FAM184A: variants seen among roughly 807,000 people sequenced by gnomAD.
FAM184A encodes family with sequence similarity 184 member A, also known as protein FAM184A.
Under a neutral mutation model 143.8 loss-of-function variants are expected in FAM184A, and 99 were observed. The ratio of observed to expected loss-of-function variants is 0.69; its 90% confidence interval spans 0.58 to 0.81. FAM184A has a LOEUF of 0.81. Among genes scored for constraint, FAM184A ranks in the 40% least tolerant of loss-of-function variants. FAM184A has a pLI of 0.00. For synonymous variants in FAM184A, 427 were observed against 446.4 expected (o/e 0.96, Z 0.55); for missense variants, 1,217 against 1,310.5 (o/e 0.93, Z 1.10).
intron 1 of FAM184A, among the ~76,000 whole-genome samples, chr6:119,037,207 G>C (rs1400855498): frequency 6.6e-6 from 1 of 152,184 alleles, no homozygotes; most frequent in Non-Finnish European, 1.5e-5. Flanking sequence ...TTCTAAGACA[G>C]ATTTTTTTCT....
At chr6:119,045,291 A>ATTTTT (rs3058653) in intron 1 of FAM184A, among the ~76,000 whole-genome samples, 1 of 143,262 alleles carries the variant, frequency 7.0e-6, no homozygotes, top group Non-Finnish European at 1.5e-5. Context: ...CAGTTTCTCA[A>ATTTTT]TTTTTTTTTT....
Position 119,028,581 on chromosome 6 carries a change from G to A in FAM184A, c.160-3768C>T, listed in dbSNP as rs180978936. ...TTTCCAGATTTCTGAACACGTGGAGGTGCTGGGAGGGTGGCATGCCTGGAA... is the reference window on the plus strand; with the variant it reads ...TTTCCAGATTTCTGAACACGTGGAGATGCTGGGAGGGTGGCATGCCTGGAA... On this transcript the variant is annotated intron_variant, in intron 1 of 17. Coordinates refer to ENST00000338891, the MANE Select transcript of FAM184A (RefSeq NM_024581.6). Among the ~76,000 whole-genome samples the A allele has an allele frequency of 4.4e-4, 67 of 152,266 alleles. 1 individual carries two copies. The highest frequency in any genetic ancestry group is 1.5e-3 in the African/African-American group (61 of 41,570).
chr6:119,001,703 C>T (rs887297667), intron 9 of FAM184A, among the ~76,000 whole-genome samples: 10 of 151,996 alleles, frequency 6.6e-5, no homozygotes, highest in Admixed American at 1.3e-4. Flanking sequence ...CAAACCCAGC[C>T]GAAAACTGTC....
upstream of FAM184A, among the ~76,000 whole-genome samples, chr6:119,079,973 A>G (rs1788014483): frequency 6.6e-6 from 1 of 152,234 alleles, no homozygotes. Flanking sequence ...AGAAACAAAT[A>G]TCCTACAAAT....
At chr6:118,984,480 C>CT (rs1300872954) in intron 9 of FAM184A, among the ~76,000 whole-genome samples, 11 of 151,312 alleles carry the variant, frequency 7.3e-5, no homozygotes, top group African/African-American at 2.7e-4. Flanking sequence ...GCCCAGCCTA[C>CT]TTTTTACAGA....
chr6:119,062,334 C>T (rs769156277), intron 1 of FAM184A, among the ~76,000 whole-genome samples: 38 of 152,016 alleles, frequency 2.5e-4, no homozygotes, highest in Non-Finnish European at 4.3e-4. Flanking sequence ...ATGTGGCCCT[C>T]CAAAGAAATT....
chr6:119,005,890 T>G (rs763446167), intron 7 of FAM184A: 2 of 479,530 alleles, frequency 4.2e-6, no homozygotes, highest in Non-Finnish European at 7.4e-6. Flanking sequence ...ACTTAGTTGC[T>G]GTATATGAGA....
chr6:119,003,196 T>TA, intron 8 of FAM184A, 147 bp from the exon 9 acceptor site: 1 of 738,236 alleles, frequency 1.4e-6, no homozygotes, highest in Non-Finnish European at 2.1e-6. Context: ...TTAAGGGCTG[T>TA]AAAGTAAATT....
At chr6:119,108,867 T>A (rs1228971152) in intron 1 of FAM184A, among the ~76,000 whole-genome samples, 1 of 152,178 alleles carries the variant, frequency 6.6e-6, no homozygotes, top group East Asian at 1.9e-4. Flanking sequence ...AGAAGTGACT[T>A]CTACTCAACT....
At position 119,040,308 on chromosome 6, in the gene FAM184A, C is replaced by T. The variant is rs916841179; in HGVS notation, c.160-15495G>A. 3.9e-4 allele frequency among the ~76,000 whole-genome samples: 60 copies of T among 152,146 alleles called. 3 individuals are homozygous for T. The highest frequency in any genetic ancestry group is 4.4e-5 in the Non-Finnish European group (3 of 68,028). ...CTTCCACCACTAACATATTTGTTGC[C>T]GTGACTTGGATACCTTCCTAGTGGT... is the stretch of plus-strand genomic sequence containing the variant. On this transcript the variant is annotated intron_variant, in intron 1 of 17. Transcript: ENST00000338891.
intron 1 of FAM184A, among the ~76,000 whole-genome samples, chr6:119,103,414 A>T (rs1201125535): frequency 6.6e-6 from 1 of 152,214 alleles, no homozygotes; most frequent in East Asian, 1.9e-4. Flanking sequence ...TTTGTAATTT[A>T]TAGACAAAGA....
At chr6:118,979,102 T>G (rs1407138808) in intron 11 of FAM184A, among the ~76,000 whole-genome samples, 1 of 152,168 alleles carries the variant, frequency 6.6e-6, no homozygotes, top group Non-Finnish European at 1.5e-5. Flanking sequence ...ATGTCCTGAG[T>G]CCACTTAGTC....
chr6:119,046,076 T>A (rs1276655788), intron 1 of FAM184A, among the ~76,000 whole-genome samples: 2 of 152,322 alleles, frequency 1.3e-5, no homozygotes, highest in East Asian at 3.9e-4. Flanking sequence ...TTATTACAAC[T>A]GTTATCTTTT....
At chr6:118,960,870 A>G (rs775055669) in intron 17 of FAM184A, 8 of 1,336,312 alleles carry the variant, frequency 6.0e-6, no homozygotes, top group Non-Finnish European at 8.0e-6. Flanking sequence ...ATACCTGAAC[A>G]TACCCATGCA....
At chr6:119,097,067 G>A (rs964108213) in intron 1 of FAM184A, among the ~76,000 whole-genome samples, 1 of 152,132 alleles carries the variant, frequency 6.6e-6, no homozygotes, top group Admixed American at 6.5e-5. Flanking sequence ...GGCAATAAGA[G>A]TCCAGATTTA....
At position 119,108,845 on chromosome 6, in the gene FAM184A, G is replaced by A. The variant is rs184960502; in HGVS notation, c.-202+40233C>T. 2.0e-3 allele frequency among the ~76,000 whole-genome samples: 298 copies of A among 152,196 alleles called. 2 individuals are homozygous for A. Among genetic ancestry groups the A allele is most frequent in the Non-Finnish European group, 3.6e-3 (244 of 68,000 alleles). On this transcript the variant is annotated intron_variant, in intron 1 of 16. Transcript: ENST00000352896. ...GAATGCCTGAGCCAATAATCTCCAC[G>A]CTCCAGGAAACAGAAGTGACTTCTA...
In FAM184A at chr6:118,975,116, G is replaced by A; in HGVS notation, c.2676C>T (p.His892=). ...HISELDKEVQ[H]LHENISALTK... ...TTAGGGCACTTATATTCTCATGAAG[G>A]TGCTGAACCTCCTTATCCAATTCAG... The change falls in exon 13 of 18, where the codon CAC becomes CAT. Residue 892 remains histidine (H), a synonymous_variant. Coordinates refer to ENST00000338891, the MANE Select transcript of FAM184A (RefSeq NM_024581.6). The A allele has an allele frequency of 6.2e-7, 1 of 1,612,592 alleles. No individual in the cohort carries two copies. Among genetic ancestry groups the A allele is most frequent in the Non-Finnish European group, 8.5e-7 (1 of 1,179,074 alleles).
intron 5 of FAM184A, among the ~76,000 whole-genome samples, chr6:119,014,039 A>C (rs1785166235): frequency 6.6e-6 from 1 of 152,244 alleles, no homozygotes; most frequent in African/African-American, 2.4e-5. Flanking sequence ...GATGTCTGGG[A>C]TTTGACAGAT....
chr6:118,997,803 G>T (rs1055518798), intron 9 of FAM184A, among the ~76,000 whole-genome samples: 5 of 152,082 alleles, frequency 3.3e-5, no homozygotes, highest in African/African-American at 1.2e-4. Context: ...CTCTTTAACT[G>T]AAACATGAAT....
Sources: gnomAD v4.1 joint callset for allele counts (sites outside exome capture counted in the v4.1 genomes callset) on GRCh38, gnomAD v4.1.1 for gene constraint, MANE v1.5 for transcripts, NCBI Gene and HGNC (gene_info 2026-07-23, HGNC 2026-07-21) for gene names.